Variants in TRPM1 observed in about 807,000 individuals in gnomAD.
TRPM1 encodes the protein transient receptor potential cation channel subfamily M member 1, also known as TRPM1-203 APA Isoform, Intron 10.
In TRPM1, 113 loss-of-function variants were observed where a neutral mutation model predicts 149.4. The observed-to-expected ratio is 0.76, with a 90% CI of 0.65 to 0.88. The LOEUF (loss-of-function observed/expected upper bound fraction) is 0.88. TRPM1 is among the 40% of genes least tolerant of loss of function. The pLI is 0.00. For missense variants in TRPM1, 1,976 were observed against 2,038.7 expected (o/e 0.97, Z 0.59); for synonymous variants, 741 against 759.5 (o/e 0.98, Z 0.40).
In TRPM1 at chr15:31,071,822, AG is replaced by A. The variant is rs34330757; in HGVS notation, c.84-1597del. Among the ~76,000 whole-genome samples the A allele has an allele frequency of 9.3e-3, 1,409 of 151,318 alleles. 133 individuals are homozygous for A. In the East Asian group the frequency reaches 0.21, roughly 23 times the overall value. On this transcript the variant is annotated intron_variant, in intron 3 of 27. Coordinates refer to ENST00000256552, the MANE Select transcript of TRPM1 (RefSeq NM_001252024.2). ...CCACCATAAACACAAAAATTAGCTG[AG>A]TGTGGTGGCACACGTCTGTAATTCC...
At chr15:31,103,461 G>A (rs2035554424), upstream of TRPM1, among the ~76,000 whole-genome samples, 1 of 152,192 alleles carries the variant, frequency 6.6e-6, no homozygotes, top group Non-Finnish European at 1.5e-5. Context: ...GAACATGTTG[G>A]GTTGAATAGA....
intron 17 of TRPM1, 131 bp downstream of exon 17, chr15:31,041,820 G>T: frequency 9.7e-7 from 1 of 1,027,280 alleles, no homozygotes; most frequent in Non-Finnish European, 1.5e-6. Flanking sequence ...CATGACAGAC[G>T]AAGTGATTTG....
intron 7 of TRPM1, among the ~76,000 whole-genome samples, chr15:31,063,559 C>T (rs2140957503): frequency 6.6e-6 from 1 of 152,250 alleles, no homozygotes; most frequent in Non-Finnish European, 1.5e-5. Context: ...CCTCTCAGCT[C>T]AGGCAATCCT....
intron 1 of TRPM1, among the ~76,000 whole-genome samples, chr15:31,085,237 GC>G (rs1273258305): frequency 1.3e-5 from 2 of 152,160 alleles, no homozygotes; most frequent in East Asian, 3.8e-4. Flanking sequence ...CCCAGCTATG[GC>G]CAGTTCCAAG....
intron 1 of TRPM1, among the ~76,000 whole-genome samples, chr15:31,156,491 C>T (rs1267832794): frequency 1.3e-5 from 2 of 152,162 alleles, no homozygotes; most frequent in Non-Finnish European, 2.9e-5. Flanking sequence ...CTTCACAACT[C>T]CTTATCTTAA....
At chr15:31,137,218 A>G (rs1448157704) in intron 1 of TRPM1, among the ~76,000 whole-genome samples, 1 of 152,178 alleles carries the variant, frequency 6.6e-6, no homozygotes, top group African/African-American at 2.4e-5. Flanking sequence ...TTATTACTGG[A>G]GGGATCCTCT....
chr15:31,110,907 C>A (rs1471732783), intron 1 of TRPM1, among the ~76,000 whole-genome samples: 2 of 149,982 alleles, frequency 1.3e-5, no homozygotes, highest in Non-Finnish European at 2.9e-5. Flanking sequence ...CTCTCTCCCC[C>A]CCCTTCCCTC....
intron 1 of TRPM1, among the ~76,000 whole-genome samples, chr15:31,090,426 C>T (rs1281060899): frequency 6.6e-6 from 1 of 152,118 alleles, no homozygotes; most frequent in East Asian, 1.9e-4. Context: ...GTCACGAGGT[C>T]AGGGATTCAA....
chr15:31,109,051 T>C (rs1360987374), intron 1 of TRPM1, among the ~76,000 whole-genome samples: 2 of 152,118 alleles, frequency 1.3e-5, no homozygotes, highest in African/African-American at 4.8e-5. Context: ...AGGATTTGCA[T>C]GCTAGTAGGG....
chr15:31,034,283 G>A (rs2033241444), intron 21 of TRPM1, among the ~76,000 whole-genome samples: 1 of 152,246 alleles, frequency 6.6e-6, no homozygotes, highest in African/African-American at 2.4e-5. Context: ...AGTCATATGT[G>A]AGATGGTATC....
intron 1 of TRPM1, among the ~76,000 whole-genome samples, chr15:31,107,506 A>G (rs925799744): frequency 3.3e-5 from 5 of 152,176 alleles, no homozygotes; most frequent in Non-Finnish European, 5.9e-5. Context: ...TTTCCAGGGA[A>G]TCAACTTTTG....
chr15:31,061,593 A>G, intron 9 of TRPM1, 79 bp from the exon 10 acceptor site: 1 of 1,144,128 alleles, frequency 8.7e-7, no homozygotes, highest in Non-Finnish European at 1.3e-6. Context: ...AAATGACCAC[A>G]GAGACTGACA....
chr15:31,019,920 C>T (rs1358226261), intron 27 of TRPM1, among the ~76,000 whole-genome samples: 6 of 152,248 alleles, frequency 3.9e-5, no homozygotes, highest in South Asian at 2.1e-4. Flanking sequence ...CCGCCCACCT[C>T]GGCCTCCCAA....
chr15:31,059,744 GA>G (rs2034174368), intron 11 of TRPM1, among the ~76,000 whole-genome samples: 1 of 152,122 alleles, frequency 6.6e-6, no homozygotes, highest in Admixed American at 6.5e-5. Flanking sequence ...AAACTCTCTA[GA>G]TATTCCTACT....
chr15:31,025,784 A>T (rs1204123389), intron 27 of TRPM1, among the ~76,000 whole-genome samples: 3 of 152,176 alleles, frequency 2.0e-5, no homozygotes, highest in Non-Finnish European at 4.4e-5. Context: ...CCTGGGGAGG[A>T]CCATGCTCGC....
intron 1 of TRPM1, among the ~76,000 whole-genome samples, chr15:31,139,898 TA>T (rs1160977472): frequency 1.3e-5 from 2 of 152,246 alleles, no homozygotes; most frequent in Non-Finnish European, 2.9e-5. Flanking sequence ...CTCATAATTT[TA>T]AAATCTTTTT....
chr15:31,067,933 T>C lies in TRPM1; in HGVS notation c.439A>G (p.Ile147Val). ...KLKQVFGKGL[I>V]KAAMTTGAWI... ...GCCCCGGTGGTCATAGCAGCCTTGA[T>C]CAGGCCTTTCCCAAAGACTTGTTTC... Residue 147 changes from isoleucine (I) to valine (V), a missense_variant, in exon 5 of 28, where the codon ATC becomes GTC. By Grantham distance (29) the Ile-to-Val change is conservative. Transcript: ENST00000256552. 6.2e-7 allele frequency: 1 copy of C among 1,613,974 alleles called. No homozygotes were observed. The highest frequency in any genetic ancestry group is 8.5e-7 in the Non-Finnish European group (1 of 1,180,002).
intron 27 of TRPM1, among the ~76,000 whole-genome samples, chr15:31,008,583 T>A (rs1031230061): frequency 6.6e-6 from 1 of 152,204 alleles, no homozygotes; most frequent in Admixed American, 6.5e-5. Context: ...TATTTTGTTG[T>A]GAATTTTTGT....
chr15:31,149,446 G>T (rs1177239279), intron 1 of TRPM1, among the ~76,000 whole-genome samples: 1 of 151,962 alleles, frequency 6.6e-6, no homozygotes, highest in Admixed American at 6.6e-5. Context: ...GGCCCCCTGA[G>T]CCTTTGAGGA....
Sources: allele counts gnomAD v4.1 joint callset (sites outside exome capture counted in the v4.1 genomes callset), GRCh38; gene constraint gnomAD v4.1.1; transcripts MANE v1.5; gene names NCBI Gene and HGNC (gene_info 2026-07-23, HGNC 2026-07-21).